DCHS2: variants seen among roughly 807,000 people sequenced by gnomAD.
DCHS2 encodes dachsous cadherin-related 2.
A neutral mutation model predicts 182.4 loss-of-function variants in DCHS2; 142 were observed. The observed-to-expected ratio is 0.78, with a 90% confidence interval of 0.68 to 0.89. DCHS2 has a LOEUF of 0.89. Among genes scored for constraint, DCHS2 ranks in the 40% least tolerant of loss-of-function variants. The pLI is 0.00. For missense variants in DCHS2, 4,319 were observed against 4,198.6 expected, an observed-to-expected ratio of 1.03 and a Z score of -0.79; for synonymous variants, 1,740 against 1,663.3, an observed-to-expected ratio of 1.05 and a Z score of -1.12.
rs373194531 is a variant in DCHS2, at chr4:154,304,898, C to T, written c.5396-20G>A. The stretch of plus-strand genomic sequence containing the variant: ...CTAGTACTGACACAGAACACAAAGA[C>T]GGTATGAATTGTGGCCTTTGATTCA... On this transcript the variant is annotated intron_variant, in intron 11 of 19. Coordinates refer to ENST00000357232, the MANE Select transcript of DCHS2 (RefSeq NM_001358235.2). 20 of 1,588,284 alleles carry T rather than the reference C, an allele frequency of 1.3e-5. No homozygotes were observed. Among genetic ancestry groups the T allele is most frequent in the Admixed American group, 3.6e-5 (2 of 56,048 alleles).
chr4:154,285,242 C>A (rs149396494), intron 13 of DCHS2, among the ~76,000 whole-genome samples: 47 of 152,256 alleles, frequency 3.1e-4, no homozygotes, highest in Non-Finnish European at 5.4e-4. Flanking sequence ...GGAGTACTCA[C>A]CATGAACCCT....
rs747505159 is a variant in DCHS2 at position 154,235,678 on chromosome 4, T to C, written c.8974A>G (p.Ser2992Gly). Reference protein sequence around the residue: ...SEGTPLAVFASSFSISLVVSF... With the variant: ...SEGTPLAVFAGSFSISLVVSF... ...ACCACCAGGCTGATTGAAAAGCTGCTGGCGAACACTGCCAAGGGTGTTCCT... is the reference window on the plus strand; with the variant it reads ...ACCACCAGGCTGATTGAAAAGCTGCCGGCGAACACTGCCAAGGGTGTTCCT... The change falls in exon 20 of 20, where the codon AGC (serine) becomes GGC (glycine). Residue 2992 changes from serine (S) to glycine (G), a missense_variant. Ser to Gly is a moderately conservative substitution (Grantham distance 56). Transcript: ENST00000357232. 4 of 1,613,878 alleles carry C rather than the reference T, an allele frequency of 2.5e-6. No homozygotes were observed. The African/African-American group carries it at 5.3e-5, about 22-fold the overall frequency.
intron 1 of DCHS2, among the ~76,000 whole-genome samples, chr4:154,460,921 A>G (rs1443496219): frequency 6.6e-6 from 1 of 152,210 alleles, no homozygotes; most frequent in Admixed American, 6.5e-5. Context: ...TTCAGCCTCC[A>G]CTTTCAACTG....
At chr4:154,357,121 C>T (rs1488568082) in intron 3 of DCHS2, 5 of 733,328 alleles carry the variant, frequency 6.8e-6, no homozygotes, top group Non-Finnish European at 1.2e-5. Flanking sequence ...CTTTGGCCTG[C>T]GAAGTTGTTT....
At chr4:154,399,921 G>A (rs1483975339) in intron 1 of DCHS2, among the ~76,000 whole-genome samples, 2 of 152,132 alleles carry the variant, frequency 1.3e-5, no homozygotes, top group African/African-American at 2.4e-5. Context: ...TAAATCCATA[G>A]GGCATTTCGC....
chr4:154,485,450 G>A (rs1728552058), intron 1 of DCHS2, among the ~76,000 whole-genome samples: 1 of 152,168 alleles, frequency 6.6e-6, no homozygotes, highest in African/African-American at 2.4e-5. Context: ...CAGAACACAT[G>A]GAGAAGGGGT....
intron 1 of DCHS2, among the ~76,000 whole-genome samples, chr4:154,445,495 A>G (rs566570717): frequency 6.6e-6 from 1 of 152,144 alleles, no homozygotes. Context: ...GGTTGTTCTA[A>G]GTGCACCTCC....
intron 1 of DCHS2, among the ~76,000 whole-genome samples, chr4:154,439,157 G>A (rs1304813303): frequency 6.6e-6 from 1 of 152,132 alleles, no homozygotes; most frequent in African/African-American, 2.4e-5. Flanking sequence ...GGACATTTAA[G>A]TCACCAGAGG....
At chr4:154,445,389 T>C (rs1373135466) in intron 1 of DCHS2, among the ~76,000 whole-genome samples, 1 of 152,250 alleles carries the variant, frequency 6.6e-6, no homozygotes, top group East Asian at 1.9e-4. Context: ...AGGTCACTTA[T>C]GCAAGTAACC....
At chr4:154,306,249 G>T (rs1186119112) in intron 10 of DCHS2, among the ~76,000 whole-genome samples, 1 of 152,028 alleles carries the variant, frequency 6.6e-6, no homozygotes. Flanking sequence ...GATATAATCT[G>T]CAGGCATTGG....
At chr4:154,377,497 C>T (rs1269697341) in intron 1 of DCHS2, 53 bp from the exon 2 acceptor site, 2 of 1,433,412 alleles carry the variant, frequency 1.4e-6, no homozygotes, top group African/African-American at 1.4e-5. Flanking sequence ...CATTACTTTT[C>T]AGTCAGTCAT....
chr4:154,326,648 C>T (rs940174737), intron 7 of DCHS2, among the ~76,000 whole-genome samples: 4 of 152,232 alleles, frequency 2.6e-5, no homozygotes, highest in Middle Eastern at 3.4e-3. Context: ...ATCAGCATCA[C>T]GTATTGATAG....
rs544450862 is a variant in DCHS2, at chr4:154,381,615, A to C, written c.2053-4171T>G. Among the ~76,000 whole-genome samples the C allele has an allele frequency of 7.9e-5, 12 of 152,276 alleles. No homozygotes were observed. The South Asian group carries it at 2.5e-3, about 32-fold the overall frequency. On this transcript the variant is annotated intron_variant, in intron 1 of 19. Transcript: ENST00000357232. Reference sequence around the variant, plus strand: ...CAAGATATGAAATCAATATACAAAAATCAGTAGCATTCCTATACAGCAATA... The same window carrying C: ...CAAGATATGAAATCAATATACAAAACTCAGTAGCATTCCTATACAGCAATA...
intron 1 of DCHS2, among the ~76,000 whole-genome samples, chr4:154,488,217 A>G (rs1438241508): frequency 1.3e-5 from 2 of 151,620 alleles, no homozygotes; most frequent in Non-Finnish European, 2.9e-5. Context: ...TCGGAAGCAA[A>G]AAAAAAAGGA....
Position 154,490,064 on chromosome 4 carries a change from C to G in DCHS2, c.1292G>C (p.Arg431Pro). ...GACGCGAGCCACGTAGTCGCCCGGT[C>G]GGGCGCCTTCAGAGACACGGGCGAC... ...GGVARVSEGA[R>P]PGDYVARVSV... Residue 431 changes from arginine to proline, a missense_variant, in exon 1 of 20, where the codon CGA (arginine) becomes CCA (proline). Arg to Pro is a moderately radical substitution (Grantham distance 103, BLOSUM62 -2). Transcript: ENST00000357232. 6.5e-7 allele frequency: 1 copy of G among 1,549,242 alleles called. No homozygotes were observed. The highest frequency in any genetic ancestry group is 2.4e-5 in the East Asian group (1 of 40,848).
intron 1 of DCHS2, among the ~76,000 whole-genome samples, chr4:154,390,597 G>C (rs938636963): frequency 8.6e-5 from 13 of 151,760 alleles, no homozygotes; most frequent in African/African-American, 3.1e-4. Flanking sequence ...TGAAAAACAA[G>C]TTATGACGCC....
Position 154,411,155 on chromosome 4 carries a change from T to A in DCHS2, c.2053-33711A>T, listed in dbSNP as rs188994536. On this transcript the variant is annotated intron_variant, in intron 1 of 19. Transcript: ENST00000357232. The stretch of plus-strand genomic sequence containing the variant: ...ACACAGAAAGAAAAATATTGCATGA[T>A]CTCACTTATATGCAAAATCCTTTTT... 4.8e-4 allele frequency among the ~76,000 whole-genome samples: 73 copies of A among 152,310 alleles called. No homozygotes were observed. The East Asian group carries it at 0.012, about 25-fold the overall frequency.
chr4:154,351,897 G>C (rs1199069455), intron 3 of DCHS2, among the ~76,000 whole-genome samples: 1 of 152,128 alleles, frequency 6.6e-6, no homozygotes, highest in Non-Finnish European at 1.5e-5. Context: ...GTGGCCCAGG[G>C]GTTGGGAACC....
chr4:154,455,497 C>A (rs540634553), intron 1 of DCHS2, among the ~76,000 whole-genome samples: 1 of 152,334 alleles, frequency 6.6e-6, no homozygotes, highest in South Asian at 2.1e-4. Context: ...CCTTCACACA[C>A]ATTATTTTAT....
Sources: allele counts gnomAD v4.1 joint callset (sites outside exome capture counted in the v4.1 genomes callset), GRCh38; gene constraint gnomAD v4.1.1; transcripts MANE v1.5; gene names NCBI Gene and HGNC (gene_info 2026-07-23, HGNC 2026-07-21).